The following ROR1 variants were observed in gnomAD, a reference collection of about 807,000 sequenced individuals.
The protein encoded by ROR1 is ROR family WNT receptor 1.
In ROR1, 19 loss-of-function variants were observed where a neutral mutation model predicts 78.8. The ratio of observed to expected loss-of-function variants is 0.24; its 90% confidence interval spans 0.17 to 0.35. The LOEUF (loss-of-function observed/expected upper bound fraction) is 0.35, where lower values mean the gene tolerates loss of function less well. Ranked by LOEUF, ROR1 falls within the 10% of genes least tolerant of loss-of-function variation. The probability of loss-of-function intolerance (pLI) is 1.00; values close to 1 mark genes in which losing one functional copy is unlikely to be tolerated. For synonymous variants in ROR1, 386 were observed against 433.6 expected (o/e 0.89, Z 1.36); for missense variants, 917 against 1,177.8 (o/e 0.78, Z 3.24).
intron 1 of ROR1, among the ~76,000 whole-genome samples, chr1:63,864,353 G>T (rs572222863): frequency 3.2e-4 from 49 of 152,308 alleles, no homozygotes; most frequent in African/African-American, 1.1e-3. Flanking sequence ...GAAAGCAGTT[G>T]TATCAGCTTA....
chr1:64,163,666 A>G (rs567048662), intron 8 of ROR1, among the ~76,000 whole-genome samples: 1 of 152,292 alleles, frequency 6.6e-6, no homozygotes, highest in Admixed American at 6.5e-5. Context: ...TCACTTCCAG[A>G]CAATTCATCT....
In ROR1 at chr1:63,864,841, GT is replaced by G. The variant is rs5774671; in HGVS notation, c.91+90344del. On this transcript the variant is annotated intron_variant, in intron 1 of 8. Transcript: ENST00000371079. ...AATTTTGGAACCTCAAAATTTCAAGGTTTTTTTTTTTAATTTTTTTATTTTT... is the reference window on the plus strand; with the variant it reads ...AATTTTGGAACCTCAAAATTTCAAGGTTTTTTTTTTAATTTTTTTATTTTT... Among the ~76,000 whole-genome samples the G allele has an allele frequency of 6.8e-3, 979 of 143,112 alleles. 4 individuals are homozygous for G. Among genetic ancestry groups the G allele is most frequent in the Middle Eastern group, 0.011 (3 of 282 alleles). The allele number at this position is 143,112 out of a possible 152,430, so 93.9% of individuals were successfully genotyped here. A position where few individuals can be genotyped will look rare whatever the true frequency, so the allele number is the denominator to read the frequency against.
intron 4 of ROR1, among the ~76,000 whole-genome samples, chr1:64,091,398 C>T (rs562143891): frequency 2.6e-5 from 4 of 152,214 alleles, no homozygotes; most frequent in Admixed American, 2.0e-4. Flanking sequence ...CCATGAGGAG[C>T]CTAAGAACCC....
At chr1:64,099,068 C>G (rs1647415463) in intron 4 of ROR1, among the ~76,000 whole-genome samples, 1 of 152,084 alleles carries the variant, frequency 6.6e-6, no homozygotes, top group Non-Finnish European at 1.5e-5. Context: ...ATTGTGTTCT[C>G]GCAGGCCTTC....
intron 1 of ROR1, among the ~76,000 whole-genome samples, chr1:63,834,744 G>C (rs2100303811): frequency 6.6e-6 from 1 of 152,222 alleles, no homozygotes; most frequent in Non-Finnish European, 1.5e-5. Flanking sequence ...CTTGTGCTTT[G>C]TGCATTGGTT....
At chr1:63,858,642 G>GT (rs1240670696) in intron 1 of ROR1, among the ~76,000 whole-genome samples, 2 of 152,130 alleles carry the variant, frequency 1.3e-5, no homozygotes, top group Admixed American at 6.5e-5. Flanking sequence ...TGATAGTGTT[G>GT]TTTTTCCTTT....
intron 2 of ROR1, among the ~76,000 whole-genome samples, chr1:64,032,114 G>A (rs903960656): frequency 4.6e-5 from 7 of 151,848 alleles, no homozygotes; most frequent in East Asian, 1.9e-4. Flanking sequence ...AGGCTGAGGC[G>A]GGCGGATCAT....
At chr1:64,009,262 A>G (rs1646456033) in intron 1 of ROR1, 43 bp from the exon 2 acceptor site, 2 of 1,398,260 alleles carry the variant, frequency 1.4e-6, no homozygotes, top group East Asian at 2.3e-5. Context: ...ACTATATTTA[A>G]TATTGCCCTT....
intron 1 of ROR1, among the ~76,000 whole-genome samples, chr1:63,981,570 A>C (rs1374768159): frequency 6.6e-6 from 1 of 152,136 alleles, no homozygotes; most frequent in African/African-American, 2.4e-5. Context: ...ATTATATATC[A>C]GGACATGGAT....
At chr1:63,943,905 GTC>G (rs1267118312) in intron 1 of ROR1, among the ~76,000 whole-genome samples, 2 of 152,122 alleles carry the variant, frequency 1.3e-5, no homozygotes, top group South Asian at 2.1e-4. Context: ...TTATTCTTTC[GTC>G]TCTGTCTTTT....
intron 4 of ROR1, among the ~76,000 whole-genome samples, chr1:64,055,728 A>T (rs1202478867): frequency 1.3e-5 from 2 of 152,200 alleles, no homozygotes; most frequent in African/African-American, 4.8e-5. Flanking sequence ...AGATACAGTT[A>T]ACCATAAAAT....
intron 7 of ROR1, among the ~76,000 whole-genome samples, chr1:64,148,793 G>GA (rs982018845): frequency 9.9e-5 from 15 of 151,796 alleles, no homozygotes; most frequent in Admixed American, 5.3e-4. Flanking sequence ...TAGAGAAAGT[G>GA]AAAAAAAAGA....
chr1:64,007,957 T>TTTTTTTTC, intron 1 of ROR1, among the ~76,000 whole-genome samples: 1 of 19,024 alleles, frequency 5.3e-5, no homozygotes, highest in African/African-American at 6.6e-5. Flanking sequence ...GCCCTTGTTC[T>TTTTTTTTC]TTTTTTTTTT....
intron 1 of ROR1, among the ~76,000 whole-genome samples, chr1:63,916,042 A>G (rs767890103): frequency 2.6e-5 from 4 of 152,178 alleles, no homozygotes; most frequent in Admixed American, 1.3e-4. Context: ...TTTTATCCCT[A>G]TACATACTTG....
intron 1 of ROR1, among the ~76,000 whole-genome samples, chr1:63,829,928 G>A (rs1644977133): frequency 6.6e-6 from 1 of 152,010 alleles, no homozygotes. Context: ...CAGTGAAAGG[G>A]CCTTCCAGAA....
chr1:64,159,669 GTGT>G (rs1649881948), intron 8 of ROR1, among the ~76,000 whole-genome samples: 2 of 135,462 alleles, frequency 1.5e-5, no homozygotes, highest in African/African-American at 5.1e-5. Context: ...AAATTTTGTT[GTGT>G]TTTTTTACCA....
At chr1:64,169,841 G>A (rs1176779080) in intron 8 of ROR1, among the ~76,000 whole-genome samples, 1 of 152,196 alleles carries the variant, frequency 6.6e-6, no homozygotes, top group Non-Finnish European at 1.5e-5. Context: ...AAACAAAGGG[G>A]CTACAGGCCC....
At chr1:64,141,393 C>A (rs75711694) in intron 6 of ROR1, among the ~76,000 whole-genome samples, 7,444 of 152,076 alleles carry the variant, frequency 0.049, 251 homozygotes, top group Non-Finnish European at 0.069. Context: ...TTTAAACGGC[C>A]ATGAGAATGA....
At chr1:64,085,541 T>C (rs1471691039) in intron 4 of ROR1, among the ~76,000 whole-genome samples, 1 of 152,180 alleles carries the variant, frequency 6.6e-6, no homozygotes, top group East Asian at 1.9e-4. Flanking sequence ...TTCAGCCTAG[T>C]AAAAACATTA....
Sources: allele counts gnomAD v4.1 joint callset (sites outside exome capture counted in the v4.1 genomes callset), GRCh38; gene constraint gnomAD v4.1.1; transcripts MANE v1.5; gene names NCBI Gene and HGNC (gene_info 2026-07-23, HGNC 2026-07-21).